The following MGMT variants were observed in gnomAD, a reference collection of about 807,000 sequenced individuals.
MGMT encodes the protein O-6-methylguanine-DNA methyltransferase.
Under a neutral mutation model 15.9 loss-of-function variants are expected in MGMT, and 14 were observed. That is an observed-to-expected ratio of 0.88 (90% CI 0.58 to 1.37). The LOEUF is 1.37. Ranked by LOEUF, MGMT falls within the 40% of genes most tolerant of loss-of-function variation. The pLI is 0.00. For synonymous variants in MGMT, 130 were observed against 118.2 expected, an observed-to-expected ratio of 1.10 and a Z score of -0.65; for missense variants, 282 against 268.1, an observed-to-expected ratio of 1.05 and a Z score of -0.36.
At chr10:129,636,956 T>C (rs1423222322) in intron 2 of MGMT, among the ~76,000 whole-genome samples, 3 of 152,166 alleles carry the variant, frequency 2.0e-5, no homozygotes, top group Non-Finnish European at 4.4e-5. Context: ...CACACTCGAG[T>C]TGTCTAAGTC....
rs796775148 is a variant in MGMT, at chr10:129,659,458, G to A, written c.126-48437G>A. Among the ~76,000 whole-genome samples, 11 of 152,224 alleles carry A rather than the reference G, an allele frequency of 7.2e-5. No individual in the cohort carries two copies. Among genetic ancestry groups the A allele is most frequent in the African/African-American group, 1.9e-4 (8 of 41,514 alleles). On this transcript the variant is annotated intron_variant, in intron 2 of 4. Transcript: ENST00000651593. The surrounding 1 kb of genome is among the most constrained non-coding windows in gnomAD (Gnocchi z 4.1). ...AGAACAGATCCTGCCTCTATCCACGGCGTAAGGGAGTTAGCTTCATGGCAA... is the reference window on the plus strand; with the variant it reads ...AGAACAGATCCTGCCTCTATCCACGACGTAAGGGAGTTAGCTTCATGGCAA...
chr10:129,641,568 GTTTC>G (rs1242296750), intron 2 of MGMT, among the ~76,000 whole-genome samples: 1 of 152,148 alleles, frequency 6.6e-6, no homozygotes, highest in Admixed American at 6.5e-5. Context: ...GGATTTCACA[GTTTC>G]TTTTAGTTCG....
rs555434455 is a variant in MGMT, at chr10:129,727,945, C to T, written c.274+19902C>T. 4.6e-5 allele frequency among the ~76,000 whole-genome samples: 7 copies of T among 152,290 alleles called. No homozygotes were observed. In the South Asian group the frequency reaches 1.5e-3, roughly 32 times the overall value. On this transcript the variant is annotated intron_variant, in intron 3 of 4. Coordinates refer to ENST00000651593, the MANE Select transcript of MGMT (RefSeq NM_002412.5). The stretch of plus-strand genomic sequence containing the variant: ...ACTGAGGCTGGGCCTGTGTGTGAAA[C>T]AGCAAGCAATCCCTTCTGGCTGGAG...
At position 129,707,605 on chromosome 10, in the gene MGMT, C is replaced by T. The variant is rs549581611; in HGVS notation, c.126-290C>T. 5.3e-5 allele frequency among the ~76,000 whole-genome samples: 8 copies of T among 152,254 alleles called. No homozygotes were observed. In the South Asian group the frequency reaches 1.0e-3, roughly 20 times the overall value. ...GAGTGCTTGATGATTTAGGTGCAGC[C>T]GTGCCATCTGTAAGTCTTACAAAGG... On this transcript the variant is annotated intron_variant, in intron 2 of 4. Coordinates refer to ENST00000651593, the MANE Select transcript of MGMT (RefSeq NM_002412.5).
At chr10:129,733,051 A>G (rs1440222481) in intron 3 of MGMT, among the ~76,000 whole-genome samples, 1 of 151,438 alleles carries the variant, frequency 6.6e-6, no homozygotes, top group East Asian at 1.9e-4. Context: ...AGCATGATTT[A>G]TAGTCCTTTG....
At chr10:129,583,853 G>GT (rs201821668) in intron 2 of MGMT, among the ~76,000 whole-genome samples, 4,552 of 152,022 alleles carry the variant, frequency 0.03, 72 homozygotes, top group Non-Finnish European at 0.037. Context: ...CTTTCGTTTT[G>GT]TTTTTTTTGG....
At chr10:129,740,511 T>G (rs1196663409) in intron 3 of MGMT, among the ~76,000 whole-genome samples, 1 of 152,244 alleles carries the variant, frequency 6.6e-6, no homozygotes, top group African/African-American at 2.4e-5. Context: ...TGCACTGTCC[T>G]TTCCACATAC....
intron 2 of MGMT, among the ~76,000 whole-genome samples, chr10:129,664,060 T>C (rs1315138082): frequency 6.6e-6 from 1 of 152,154 alleles, no homozygotes; most frequent in Non-Finnish European, 1.5e-5. Flanking sequence ...GAAATCCCAA[T>C]GAATATTAGT....
intron 2 of MGMT, among the ~76,000 whole-genome samples, chr10:129,669,704 G>C (rs1226126857): frequency 6.6e-6 from 1 of 152,060 alleles, no homozygotes; most frequent in African/African-American, 2.4e-5. Flanking sequence ...AACACTACCA[G>C]AACAGTAATT....
intron 2 of MGMT, among the ~76,000 whole-genome samples, chr10:129,606,993 C>T (rs1036370871): frequency 4.6e-5 from 7 of 152,200 alleles, no homozygotes; most frequent in East Asian, 1.9e-4. Context: ...TGGGAAAGCC[C>T]GTTTTTTCTC....
chr10:129,468,692 C>CGAGTT lies in MGMT; in HGVS notation c.-13+1396_-13+1397insGAGTT, dbSNP rs1479171197. Among the ~76,000 whole-genome samples, 117 of 152,062 alleles carry CGAGTT rather than the reference C, an allele frequency of 7.7e-4. 1 individual carries two copies. The highest frequency in any genetic ancestry group is 3.8e-4 in the Non-Finnish European group (26 of 68,018). Reference sequence around the variant, plus strand: ...CTGAAGTCAGGAGTTTGAGACCAGCCTGGCCAACATGGTGAAACCCAGTTT... The same window carrying CGAGTT: ...CTGAAGTCAGGAGTTTGAGACCAGCCGAGTTTGGCCAACATGGTGAAACCCAGTTT... On this transcript the variant is annotated intron_variant, in intron 1 of 4. Transcript: ENST00000651593.
At chr10:129,751,578 T>C (rs1388209369) in intron 3 of MGMT, among the ~76,000 whole-genome samples, 1 of 151,920 alleles carries the variant, frequency 6.6e-6, no homozygotes, top group African/African-American at 2.4e-5. Context: ...TTTCTCTTCT[T>C]TTTCTGGTTT....
At chr10:129,735,110 T>C (rs1351352320) in intron 3 of MGMT, among the ~76,000 whole-genome samples, 1 of 152,178 alleles carries the variant, frequency 6.6e-6, no homozygotes, top group African/African-American at 2.4e-5. Flanking sequence ...CCTTTTCTAT[T>C]GATTGGAATA....
At position 129,558,491 on chromosome 10, in the gene MGMT, C is replaced by T. The variant is rs150899276; in HGVS notation, c.125+22114C>T. On this transcript the variant is annotated intron_variant, in intron 2 of 4. Transcript: ENST00000651593. ...TGATGCAGAGCGTGGCCCTGGTCCT[C>T]AGCGCCTCTGCCTTTGTGGTGGCGG... is the stretch of plus-strand genomic sequence containing the variant. Among the ~76,000 whole-genome samples, 259 of 152,306 alleles carry T rather than the reference C, an allele frequency of 1.7e-3. 1 individual carries two copies. The highest frequency in any genetic ancestry group is 3.4e-3 in the Middle Eastern group (1 of 294).
Position 129,532,843 on chromosome 10 carries a change from G to A in MGMT, c.-12-3398G>A, listed in dbSNP as rs991452338. On this transcript the variant is annotated intron_variant, in intron 1 of 4. Coordinates refer to ENST00000651593, the MANE Select transcript of MGMT (RefSeq NM_002412.5). This position sits in a 1 kb window ranked among gnomAD's most constrained non-coding sequence, Gnocchi z 5.3. Reference sequence around the variant, plus strand: ...AAATAGAGGCTTGAGAGAGGAGTGCGCAGCTAGTGTCTGACCAGCCCCCAC... The same window carrying A: ...AAATAGAGGCTTGAGAGAGGAGTGCACAGCTAGTGTCTGACCAGCCCCCAC... 7.9e-5 allele frequency among the ~76,000 whole-genome samples: 12 copies of A among 152,168 alleles called. No individual in the cohort carries two copies. Among genetic ancestry groups the A allele is most frequent in the Admixed American group, 6.5e-4 (10 of 15,280 alleles).
At position 129,619,574 on chromosome 10, in the gene MGMT, T is replaced by A. The variant is rs545508366; in HGVS notation, c.125+83197T>A. On this transcript the variant is annotated intron_variant, in intron 2 of 4. Transcript: ENST00000651593. The stretch of plus-strand genomic sequence containing the variant: ...AATTGTTTAGGATTGGTATTTTTTT[T>A]ATTTAAGTGTTTAAAAACATCTGGG... Among the ~76,000 whole-genome samples the A allele has an allele frequency of 2.6e-4, 40 of 152,308 alleles. No individual in the cohort carries two copies. The South Asian group carries it at 5.2e-3, about 20-fold the overall frequency.
chr10:129,763,929 A>G (rs11016915), intron 4 of MGMT, among the ~76,000 whole-genome samples: 13,571 of 152,244 alleles, frequency 0.089, 863 homozygotes, highest in Non-Finnish European at 0.13. Flanking sequence ...GCATGTTCCC[A>G]TGTCATAGTC....
chr10:129,680,026 A>G (rs1847829619), intron 2 of MGMT, among the ~76,000 whole-genome samples: 1 of 152,232 alleles, frequency 6.6e-6, no homozygotes, highest in Non-Finnish European at 1.5e-5. Context: ...TTCGATTTAG[A>G]AAGGAAAGAC....
chr10:129,527,583 C>T (rs1213381438), intron 1 of MGMT, among the ~76,000 whole-genome samples: 1 of 151,606 alleles, frequency 6.6e-6, no homozygotes, highest in Admixed American at 6.6e-5. Flanking sequence ...GTGGTCGGCT[C>T]TTTTCTTTTC....
Sources: gnomAD v4.1 joint callset for allele counts (sites outside exome capture counted in the v4.1 genomes callset) on GRCh38, gnomAD v4.1.1 for gene constraint, Gnocchi (gnomAD v3.1) non-coding constraint, MANE v1.5 for transcripts, NCBI Gene and HGNC (gene_info 2026-07-23, HGNC 2026-07-21) for gene names.